The following RPAP1 variants were observed in gnomAD, a reference collection of about 807,000 sequenced individuals.
The protein encoded by RPAP1 is RNA polymerase II associated protein 1.
RPAP1 carries 109 observed loss-of-function variants against 142.4 expected under a neutral mutation model. The observed-to-expected ratio is 0.77, with a 90% CI of 0.66 to 0.90. The LOEUF (loss-of-function observed/expected upper bound fraction) is 0.90, where lower values mean the gene tolerates loss of function less well. Among genes scored for constraint, RPAP1 ranks in the 40% least tolerant of loss-of-function variants. RPAP1 has a pLI of 0.00. For synonymous variants in RPAP1, 704 were observed against 738.9 expected, an observed-to-expected ratio of 0.95 and a Z score of 0.77; for missense variants, 1,546 against 1,751.7, an observed-to-expected ratio of 0.88 and a Z score of 2.10.
chr15:41,536,894 C>A, intron 2 of RPAP1, 51 bp downstream of exon 2: 1 of 1,579,568 alleles, frequency 6.3e-7, no homozygotes, highest in Non-Finnish European at 8.7e-7. Context: ...GAGGGAGGGG[C>A]CCGAGGCTGT....
chr15:41,518,073 G>C lies in RPAP1; in HGVS notation c.3905C>G (p.Pro1302Arg). The change falls in exon 23 of 25, where the codon CCC becomes CGC. Residue 1302 changes from proline (P) to arginine (R), a missense_variant. Pro to Arg is a moderately radical substitution (Grantham distance 103). This residue lies in a region of RPAP1 where 210 missense variants were observed against 248.0 expected (regional missense o/e 0.85). Coordinates refer to ENST00000304330, the MANE Select transcript of RPAP1 (RefSeq NM_015540.4). Reference protein sequence around the residue: ...VTGALRPRWCPVLYAVAVAHV... With the variant: ...VTGALRPRWCRVLYAVAVAHV... ...AGCCACAGCCACAGCATAGAGCACG[G>C]GGCACCAACGTGGGCGGAGCGCACC... 1 of 1,612,478 alleles carries C rather than the reference G, an allele frequency of 6.2e-7. No individual in the cohort carries two copies. Among genetic ancestry groups the C allele is most frequent in the Non-Finnish European group, 8.5e-7 (1 of 1,179,572 alleles).
intron 3 of RPAP1, 79 bp from the exon 4 acceptor site, chr15:41,536,297 C>T: frequency 1.4e-6 from 2 of 1,434,114 alleles, no homozygotes; most frequent in Non-Finnish European, 2.0e-6. Flanking sequence ...TAGCCCAGTT[C>T]TGAACGATGA....
At chr15:41,528,100 G>GC in intron 10 of RPAP1, 73 bp from the exon 11 acceptor site, 1 of 1,560,736 alleles carries the variant, frequency 6.4e-7, no homozygotes, top group Non-Finnish European at 8.7e-7. Context: ...TCCTTCGTTT[G>GC]CCCCCCTATG....
chr15:41,543,792 C>G (rs2051993636), intron 1 of RPAP1: 1 of 152,080 alleles, frequency 6.6e-6, no homozygotes, highest in South Asian at 2.1e-4. Context: ...TGGCCGGGCG[C>G]GGTGGCTCAC....
At position 41,536,234 on chromosome 15, in the gene RPAP1, A is replaced by C; in HGVS notation, c.331-16T>G. The C allele has an allele frequency of 6.2e-7, 1 of 1,612,134 alleles. No individual in the cohort carries two copies. The highest frequency in any genetic ancestry group is 8.5e-7 in the Non-Finnish European group (1 of 1,178,400). On this transcript the variant is annotated splice_polypyrimidine_tract_variant and intron_variant, in intron 3 of 24. Coordinates refer to ENST00000304330, the MANE Select transcript of RPAP1 (RefSeq NM_015540.4). ...TATCTCGTTCCTGTAGCAACAAAGCACAAAGTTGTGAAGCACAATGGAGAA... is the reference window on the plus strand; with the variant it reads ...TATCTCGTTCCTGTAGCAACAAAGCCCAAAGTTGTGAAGCACAATGGAGAA...
intron 4 of RPAP1, 103 bp downstream of exon 4, chr15:41,536,026 A>G: frequency 4.9e-6 from 4 of 818,778 alleles, no homozygotes; most frequent in Non-Finnish European, 8.0e-6. Context: ...CTGCTTTGTA[A>G]ATTAAATTGC....
In RPAP1 at chr15:41,520,833, G is replaced by A. The variant is rs747621115; in HGVS notation, c.3353C>T (p.Ser1118Leu). Residue 1118 changes from serine to leucine, a missense_variant, in exon 22 of 25, where the codon TCG becomes TTG. Coordinates refer to ENST00000304330, the MANE Select transcript of RPAP1 (RefSeq NM_015540.4). ...CATGGTGTCTGTGGGAGAGAGTCCC[G>A]AGGGGGTGTCTGAAGCCCGGTGGTA... The part of the protein sequence containing the change: ...RLYHRASDTP[S>L]GLSPTDTMGT... 14 of 1,613,782 alleles carry A rather than the reference G, an allele frequency of 8.7e-6. No homozygotes were observed. Among genetic ancestry groups the A allele is most frequent in the Middle Eastern group, 1.6e-4 (1 of 6,084 alleles).
intron 22 of RPAP1, 58 bp downstream of exon 22, chr15:41,520,333 C>G: frequency 6.3e-7 from 1 of 1,591,470 alleles, no homozygotes; most frequent in Non-Finnish European, 8.6e-7. Flanking sequence ...AGGCTCAGGA[C>G]TGCCCCCGAG....
chr15:41,536,091 C>G, intron 4 of RPAP1, 38 bp downstream of exon 4: 3 of 1,489,322 alleles, frequency 2.0e-6, no homozygotes, highest in Non-Finnish European at 2.8e-6. Flanking sequence ...ACTCACCTGT[C>G]TGTCTCCTGA....
At position 41,532,740 on chromosome 15, in the gene RPAP1, G is replaced by T. The variant is rs111943599; in HGVS notation, c.764-1538C>A. Among the ~76,000 whole-genome samples, 302 of 152,150 alleles carry T rather than the reference G, an allele frequency of 2.0e-3. 1 individual carries two copies. The highest frequency in any genetic ancestry group is 6.6e-3 in the African/African-American group (275 of 41,510). On this transcript the variant is annotated intron_variant, in intron 6 of 24. Transcript: ENST00000304330. ...AAAAAAAAATCGCAGCACTTCAGCA[G>T]GCCGAGGCAGATGGGTCGCTGGAGG...
At chr15:41,536,830 G>T in intron 2 of RPAP1, 115 bp downstream of exon 2, 1 of 1,387,524 alleles carries the variant, frequency 7.2e-7, no homozygotes, top group Non-Finnish European at 9.9e-7. Flanking sequence ...AGAAACACAG[G>T]CTATGCAGTG....
rs11070333 is a variant in RPAP1, at chr15:41,517,332, T to C, written c.*210A>G. 0.99 allele frequency: 482,150 copies of C among 484,984 alleles called. 239,733 individuals carry two copies. Among genetic ancestry groups the C allele is most frequent in the East Asian group, 1 (30,940 of 30,940 alleles). The allele number at this position is 484,984 out of a possible 1,614,324, so 30.0% of individuals were successfully genotyped here. On this transcript the variant is annotated 3_prime_UTR_variant, in exon 25 of 25. Coordinates refer to ENST00000304330, the MANE Select transcript of RPAP1 (RefSeq NM_015540.4). ...TAGCTAAGCCACTCTTCACTCCCAG[T>C]ACAGACCTTCAGAAGCCCCAGATAT...
intron 20 of RPAP1, 41 bp from the exon 21 acceptor site, chr15:41,521,921 G>T: frequency 6.2e-7 from 1 of 1,604,122 alleles, no homozygotes; most frequent in South Asian, 1.1e-5. Context: ...TACAGGAGAA[G>T]GGGACGTGGC....
chr15:41,523,093 G>T, intron 18 of RPAP1, 133 bp from the exon 19 acceptor site: 1 of 932,418 alleles, frequency 1.1e-6, no homozygotes, highest in African/African-American at 1.7e-5. Context: ...ACTCCTCAGA[G>T]CCCACCCCAC....
At position 41,518,025 on chromosome 15, in the gene RPAP1, GAGA is replaced by G. The variant is rs2051683133; in HGVS notation, c.3950_3952del (p.Phe1317del). 1.2e-6 allele frequency: 2 copies of G among 1,613,992 alleles called. No individual in the cohort carries two copies. The highest frequency in any genetic ancestry group is 1.7e-6 in the Non-Finnish European group (2 of 1,180,002). ...ACTTACTGAGCTCTGTGGGTCCTGAGAGAAGATGAAGCTATTGACATGAGCCAC... is the reference window on the plus strand; with the variant it reads ...ACTTACTGAGCTCTGTGGGTCCTGAGAGATGAAGCTATTGACATGAGCCAC... On this transcript the variant is annotated inframe_deletion, in exon 23 of 25. Coordinates refer to ENST00000304330, the MANE Select transcript of RPAP1 (RefSeq NM_015540.4).
At position 41,537,154 on chromosome 15, in the gene RPAP1, G is replaced by C; in HGVS notation, c.-29C>G. 6.2e-7 allele frequency: 1 copy of C among 1,604,190 alleles called. No individual in the cohort carries two copies. The highest frequency in any genetic ancestry group is 8.5e-7 in the Non-Finnish European group (1 of 1,174,840). ...GCTGCTCCAGCTGCCTCCCCAGTAC[G>C]ACTCTCTCCAGCAGTGTCTCCGTGT... On this transcript the variant is annotated 5_prime_UTR_variant, in exon 2 of 25. Transcript: ENST00000304330.
At chr15:41,535,245 G>A (rs2051895237) in intron 5 of RPAP1, among the ~76,000 whole-genome samples, 1 of 152,152 alleles carries the variant, frequency 6.6e-6, no homozygotes, top group Admixed American at 6.5e-5. Flanking sequence ...ATCATTAAAG[G>A]GATCTTGGCC....
At position 41,521,739 on chromosome 15, in the gene RPAP1, G is replaced by A; in HGVS notation, c.3037C>T (p.Pro1013Ser). Reference protein sequence around the residue: ...LSCVFRLEFLPERTSGGPEAA... With the variant: ...LSCVFRLEFLSERTSGGPEAA... ...TGATGCCACCAACCAAGCACTTACG[G>A]GAGGAACTCCAGCCGGAATACACAG... The change falls in exon 21 of 25, where the codon CCG becomes TCG. Residue 1013 changes from proline to serine, a missense_variant and splice_region_variant. Transcript: ENST00000304330. 1.9e-6 allele frequency: 3 copies of A among 1,614,072 alleles called. No homozygotes were observed. Among genetic ancestry groups the A allele is most frequent in the Non-Finnish European group, 2.5e-6 (3 of 1,180,018 alleles).
At chr15:41,531,495 A>G (rs1595485902) in intron 6 of RPAP1, among the ~76,000 whole-genome samples, 1 of 151,642 alleles carries the variant, frequency 6.6e-6, no homozygotes, top group African/African-American at 2.4e-5. Context: ...CACAGTTCCA[A>G]TGTAAGTGGC....
Sources: gnomAD v4.1 joint callset for allele counts (sites outside exome capture counted in the v4.1 genomes callset) on GRCh38, gnomAD v4.1.1 for gene constraint, gnomAD v4.1.1 regional missense constraint, MANE v1.5 for transcripts, NCBI Gene and HGNC (gene_info 2026-07-23, HGNC 2026-07-21) for gene names.